DLGAP1: variants seen among roughly 807,000 people sequenced by gnomAD.
DLGAP1 encodes the protein disks large-associated protein 1.
DLGAP1 carries 11 observed loss-of-function variants against 90.8 expected under a neutral mutation model. The ratio of observed to expected loss-of-function variants is 0.12; its 90% CI spans 0.08 to 0.20. The LOEUF (loss-of-function observed/expected upper bound fraction) is 0.20. Among genes scored for constraint, DLGAP1 ranks in the 10% least tolerant of loss-of-function variants. The pLI is 1.00. For missense variants in DLGAP1, 1,050 were observed against 1,333.8 expected, an observed-to-expected ratio of 0.79 and a Z score of 3.31; for synonymous variants, 558 against 540.7, an observed-to-expected ratio of 1.03 and a Z score of -0.44.
chr18:3,854,689 T>C (rs1254958699), intron 4 of DLGAP1, among the ~76,000 whole-genome samples: 1 of 152,240 alleles, frequency 6.6e-6, no homozygotes, highest in South Asian at 2.1e-4. Context: ...GTAATTGTAA[T>C]ACTCTACATT....
chr18:3,516,920 G>T (rs1295905066), intron 10 of DLGAP1, among the ~76,000 whole-genome samples: 3 of 152,200 alleles, frequency 2.0e-5, no homozygotes, highest in Admixed American at 1.3e-4. Flanking sequence ...TGTCATGTTT[G>T]CAGGCATGAA....
rs377606748 is a variant in DLGAP1 at position 3,969,467 on chromosome 18, A to G, written c.-73+35649T>C. ...TGACCCATTCTAGCCGTAGGAAAAG[A>G]ATATTAAAGAGAAAAGGGTGCTTGT... On this transcript the variant is annotated intron_variant, in intron 3 of 12. Coordinates refer to ENST00000315677, the MANE Select transcript of DLGAP1 (RefSeq NM_004746.4). Among the ~76,000 whole-genome samples the G allele has an allele frequency of 2.0e-5, 3 of 152,226 alleles. No individual in the cohort carries two copies. In the South Asian group the frequency reaches 6.2e-4, roughly 32 times the overall value.
intron 5 of DLGAP1, among the ~76,000 whole-genome samples, chr18:3,779,304 G>A: frequency 6.6e-6 from 1 of 152,134 alleles, no homozygotes; most frequent in Admixed American, 6.5e-5. Context: ...TCGAACTCCT[G>A]AGCTCAAGTG....
intron 1 of DLGAP1, among the ~76,000 whole-genome samples, chr18:4,161,867 G>A (rs769313943): frequency 6.6e-6 from 1 of 152,138 alleles, no homozygotes; most frequent in Non-Finnish European, 1.5e-5. Flanking sequence ...TCATATATAA[G>A]AAAAGCACAG....
chr18:4,357,546 T>C (rs1477250635), intron 1 of DLGAP1, among the ~76,000 whole-genome samples: 2 of 152,238 alleles, frequency 1.3e-5, no homozygotes, highest in Non-Finnish European at 2.9e-5. Flanking sequence ...TAAGTCAATA[T>C]ATAATCGTGG....
chr18:3,654,581 AT>A (rs2059419089), intron 7 of DLGAP1: 1 of 152,242 alleles, frequency 6.6e-6, no homozygotes. Context: ...ACCAACTGTT[AT>A]CTGTAATTCA....
At chr18:4,184,078 A>G (rs1464130927) in intron 1 of DLGAP1, among the ~76,000 whole-genome samples, 2 of 152,188 alleles carry the variant, frequency 1.3e-5, no homozygotes, top group Admixed American at 1.3e-4. Context: ...AGCGTTAAAT[A>G]TTTGAAAAAA....
In DLGAP1 at chr18:3,735,300, A is replaced by G. The variant is rs182886947; in HGVS notation, c.1351-5925T>C. Among the ~76,000 whole-genome samples, 5 of 152,298 alleles carry G rather than the reference A, an allele frequency of 3.3e-5. No homozygotes were observed. The East Asian group carries it at 7.7e-4, about 24-fold the overall frequency. On this transcript the variant is annotated intron_variant, in intron 6 of 12. Transcript: ENST00000315677. ...AGTGGCACGATCTTGGCTCACTGCAACCTCTGCCTCCCAGATTCAAGCGAT... is the reference window on the plus strand; with the variant it reads ...AGTGGCACGATCTTGGCTCACTGCAGCCTCTGCCTCCCAGATTCAAGCGAT...
At chr18:4,368,225 T>A (rs2081822928) in intron 1 of DLGAP1, among the ~76,000 whole-genome samples, 1 of 152,188 alleles carries the variant, frequency 6.6e-6, no homozygotes, top group African/African-American at 2.4e-5. Context: ...TGCCGCAATA[T>A]TATCTCCCAC....
In DLGAP1 at chr18:4,455,225, T is replaced by G. The variant is rs2083944936; in HGVS notation, c.-486A>C. On this transcript the variant is annotated 5_prime_UTR_variant, in exon 1 of 13. Coordinates refer to ENST00000315677, the MANE Select transcript of DLGAP1 (RefSeq NM_004746.4). ...GTCCGCGAGGCCGTGTCCTGGAGAT[T>G]GCGGCGCCCGAAGCGCAGCGCTCGC... 1 of 151,482 alleles carries G rather than the reference T, an allele frequency of 6.6e-6. No individual in the cohort carries two copies. Among genetic ancestry groups the G allele is most frequent in the African/African-American group, 2.4e-5 (1 of 41,342 alleles). The allele number at this position is 151,482 out of a possible 1,614,324, so 9.4% of individuals were successfully genotyped here.
intron 7 of DLGAP1, among the ~76,000 whole-genome samples, chr18:3,585,336 A>G (rs137941532): frequency 1.1e-3 from 168 of 152,312 alleles, no homozygotes; most frequent in African/African-American, 3.9e-3. Flanking sequence ...GGCATGAGTG[A>G]TGGTAGTCCT....
chr18:3,572,724 A>T (rs1184250778), intron 8 of DLGAP1, among the ~76,000 whole-genome samples: 1 of 152,198 alleles, frequency 6.6e-6, no homozygotes, highest in Non-Finnish European at 1.5e-5. Context: ...TACTGGGATT[A>T]CAGGTGTGAG....
Position 3,990,743 on chromosome 18 carries a change from C to A in DLGAP1, c.-73+14373G>T, listed in dbSNP as rs117824156. ...AGAAATATATGTGCTATTAAATACT[C>A]CTCCTTTCTCACATTATATATGTAT... On this transcript the variant is annotated intron_variant, in intron 3 of 12. Coordinates refer to ENST00000315677, the MANE Select transcript of DLGAP1 (RefSeq NM_004746.4). 3.1e-3 allele frequency among the ~76,000 whole-genome samples: 474 copies of A among 151,474 alleles called. 1 individual carries two copies. Among genetic ancestry groups the A allele is most frequent in the Admixed American group, 5.2e-3 (79 of 15,176 alleles).
chr18:3,734,624 A>G (rs1477957843), intron 6 of DLGAP1, among the ~76,000 whole-genome samples: 1 of 152,174 alleles, frequency 6.6e-6, no homozygotes, highest in African/African-American at 2.4e-5. Flanking sequence ...CAAGAATGAT[A>G]CTGTGCTGTT....
At chr18:3,772,370 T>TTTCTTTC (rs2064688845) in intron 5 of DLGAP1, among the ~76,000 whole-genome samples, 1 of 14,304 alleles carries the variant, frequency 7.0e-5, no homozygotes, top group Non-Finnish European at 2.5e-4. Context: ...CTTTCTTTCT[T>TTTCTTTC]TCTTTCTTTC....
At chr18:3,925,771 A>C (rs568270524) in intron 3 of DLGAP1, among the ~76,000 whole-genome samples, 3 of 152,352 alleles carry the variant, frequency 2.0e-5, no homozygotes, top group Non-Finnish European at 4.4e-5. Flanking sequence ...AAAGAACTCA[A>C]AACAACCCAA....
rs1378368519 is a variant in DLGAP1 at position 4,342,097 on chromosome 18, T to C, written c.-267+112909A>G. 1.3e-5 allele frequency among the ~76,000 whole-genome samples: 2 copies of C among 152,120 alleles called. No homozygotes were observed. The highest frequency in any genetic ancestry group is 2.9e-5 in the Non-Finnish European group (2 of 68,022). On this transcript the variant is annotated intron_variant, in intron 1 of 12. Transcript: ENST00000315677. This position sits in a 1 kb window ranked among gnomAD's most constrained non-coding sequence, Gnocchi z 5.8. ...GCGGTGAACACTAAATAAATGTTCC[T>C]TCCCTTCCCAAATCCATAGAATTTT...
intron 7 of DLGAP1, among the ~76,000 whole-genome samples, chr18:3,665,793 C>T (rs553820494): frequency 2.9e-4 from 44 of 152,316 alleles, no homozygotes; most frequent in Middle Eastern, 6.8e-3. Context: ...TAAGTTAACA[C>T]ATTCTGAGGC....
intron 7 of DLGAP1, among the ~76,000 whole-genome samples, chr18:3,689,022 T>C (rs988043378): frequency 3.3e-5 from 5 of 152,210 alleles, no homozygotes; most frequent in Non-Finnish European, 7.3e-5. Context: ...TATTTATGCA[T>C]GTCTGCCTCT....
Sources: gnomAD v4.1 joint callset for allele counts (sites outside exome capture counted in the v4.1 genomes callset) on GRCh38, gnomAD v4.1.1 for gene constraint, Gnocchi (gnomAD v3.1) non-coding constraint, MANE v1.5 for transcripts, NCBI Gene and HGNC (gene_info 2026-07-23, HGNC 2026-07-21) for gene names.